Variants in WWOX observed in about 807,000 individuals in gnomAD.
WWOX encodes WW domain-containing oxidoreductase.
WWOX carries 69 observed loss-of-function variants against 46.2 expected under a neutral mutation model. The observed-to-expected ratio is 1.49, with a 90% CI of 1.23 to 1.82. The LOEUF is 1.82. WWOX is among the 40% of genes most tolerant of loss of function. WWOX has a pLI of 0.00. For missense variants in WWOX, 919 were observed against 542.6 expected, an observed-to-expected ratio of 1.69 and a Z score of -6.89; for synonymous variants, 359 against 202.6, an observed-to-expected ratio of 1.77 and a Z score of -6.56.
chr16:78,481,751 G>C (rs1275373071), intron 8 of WWOX, among the ~76,000 whole-genome samples: 1 of 150,738 alleles, frequency 6.6e-6, no homozygotes, highest in African/African-American at 2.5e-5. Context: ...GTGTGTGTGT[G>C]TGTGTGTGTG....
intron 6 of WWOX, among the ~76,000 whole-genome samples, chr16:78,417,938 A>C (rs1170557290): frequency 6.6e-6 from 1 of 152,236 alleles, no homozygotes; most frequent in Non-Finnish European, 1.5e-5. Context: ...CAACAGAATG[A>C]ATTATTCCTT....
chr16:79,159,300 G>A (rs1242445687), intron 8 of WWOX, among the ~76,000 whole-genome samples: 2 of 152,184 alleles, frequency 1.3e-5, no homozygotes, highest in African/African-American at 4.8e-5. Flanking sequence ...TTCCAACACA[G>A]CTAAATGAAA....
intron 8 of WWOX, among the ~76,000 whole-genome samples, chr16:78,619,517 C>A (rs1458598846): frequency 6.6e-6 from 1 of 151,736 alleles, no homozygotes; most frequent in East Asian, 1.9e-4. Flanking sequence ...CCTCCTATCC[C>A]CTTTCAGCTC....
chr16:78,182,264 C>A (rs755850112), intron 5 of WWOX, among the ~76,000 whole-genome samples: 4 of 152,124 alleles, frequency 2.6e-5, no homozygotes, highest in African/African-American at 4.8e-5. Flanking sequence ...CGAGTACTTG[C>A]GGTGGTACCT....
intron 5 of WWOX, among the ~76,000 whole-genome samples, chr16:78,361,829 C>T (rs1359087232): frequency 6.6e-6 from 1 of 152,030 alleles, no homozygotes; most frequent in Non-Finnish European, 1.5e-5. Context: ...CCAGGCTGGT[C>T]TCAAACTCCT....
At chr16:78,968,637 G>A (rs964206546) in intron 8 of WWOX, among the ~76,000 whole-genome samples, 12 of 152,182 alleles carry the variant, frequency 7.9e-5, no homozygotes, top group Non-Finnish European at 1.0e-4. Context: ...GTGACAAAAA[G>A]CACAAGCCCC....
At chr16:78,394,858 G>A (rs540574390) in intron 6 of WWOX, among the ~76,000 whole-genome samples, 5 of 152,348 alleles carry the variant, frequency 3.3e-5, no homozygotes, top group South Asian at 2.1e-4. Flanking sequence ...TGTAAAGAAC[G>A]TGGGTGTTGG....
intron 8 of WWOX, among the ~76,000 whole-genome samples, chr16:78,613,283 C>G (rs117674288): frequency 6.6e-6 from 1 of 152,126 alleles, no homozygotes; most frequent in Non-Finnish European, 1.5e-5. Context: ...ATCACTCTTT[C>G]AGAAACATGA....
At chr16:78,519,313 G>A (rs1018417716) in intron 8 of WWOX, among the ~76,000 whole-genome samples, 1 of 152,132 alleles carries the variant, frequency 6.6e-6, no homozygotes, top group African/African-American at 2.4e-5. Flanking sequence ...CCTGAAGGCA[G>A]TAAGCATGTT....
intron 8 of WWOX, among the ~76,000 whole-genome samples, chr16:78,612,132 T>A (rs986755058): frequency 1.3e-5 from 2 of 152,196 alleles, no homozygotes; most frequent in African/African-American, 4.8e-5. Context: ...ACCTACTCCT[T>A]TGGGCCAGAA....
chr16:78,494,494 C>G (rs1026948820), intron 8 of WWOX, among the ~76,000 whole-genome samples: 4 of 151,770 alleles, frequency 2.6e-5, no homozygotes, highest in East Asian at 3.9e-4. Flanking sequence ...AAGCATTAAG[C>G]AAACAAAAGG....
chr16:78,260,046 C>G (rs7206379), intron 5 of WWOX, among the ~76,000 whole-genome samples: 97,549 of 150,706 alleles, frequency 0.65, 33,403 homozygotes, highest in East Asian at 0.87. Flanking sequence ...TCCCAGCAGG[C>G]GTTGCCAGAG....
chr16:78,810,889 A>T (rs1275559442), intron 8 of WWOX, among the ~76,000 whole-genome samples: 2 of 152,228 alleles, frequency 1.3e-5, no homozygotes, highest in Non-Finnish European at 2.9e-5. Context: ...GCCAGAAGAG[A>T]CAGTAATGCT....
At chr16:78,929,710 G>A (rs1163296453) in intron 8 of WWOX, among the ~76,000 whole-genome samples, 1 of 152,168 alleles carries the variant, frequency 6.6e-6, no homozygotes, top group Non-Finnish European at 1.5e-5. Context: ...TTCAGGAAGA[G>A]CGTTTAGGAA....
Position 78,421,899 on chromosome 16 carries a change from T to G in WWOX, c.606-2971T>G, listed in dbSNP as rs1488769664. ...AACAGGATTACTTGGTGAAATAATG[T>G]GAATCTTTCAATTCTCATGATACAT... On this transcript the variant is annotated intron_variant, in intron 6 of 8. Coordinates refer to ENST00000566780, the MANE Select transcript of WWOX (RefSeq NM_016373.4). Among the ~76,000 whole-genome samples the G allele has an allele frequency of 2.0e-5, 3 of 152,238 alleles. No homozygotes were observed. In the East Asian group the frequency reaches 5.8e-4, roughly 29 times the overall value.
chr16:79,169,615 T>C (rs527254705), intron 8 of WWOX, among the ~76,000 whole-genome samples: 2 of 152,136 alleles, frequency 1.3e-5, no homozygotes, highest in Non-Finnish European at 2.9e-5. Context: ...TTCACACAAA[T>C]AGCTAAAGAC....
chr16:78,561,675 T>C (rs1377270884), intron 8 of WWOX, among the ~76,000 whole-genome samples: 1 of 151,994 alleles, frequency 6.6e-6, no homozygotes, highest in Admixed American at 6.6e-5. Context: ...AAGGGGGTAA[T>C]TGAAGAAGAT....
At chr16:78,730,277 C>T (rs1342593763) in intron 8 of WWOX, among the ~76,000 whole-genome samples, 1 of 152,016 alleles carries the variant, frequency 6.6e-6, no homozygotes, top group Non-Finnish European at 1.5e-5. Flanking sequence ...TTTACTGTCC[C>T]ATCCTTTTTT....
chr16:79,032,338 GTATGTAATATATAATATATTC>G (rs1182306703), intron 8 of WWOX, among the ~76,000 whole-genome samples: 22 of 145,028 alleles, frequency 1.5e-4, no homozygotes, highest in East Asian at 5.9e-4. Context: ...ATATTATAAT[GTATGTAATATATAATATATTC>G]TATGTAATAT....
Sources: allele counts gnomAD v4.1 joint callset (sites outside exome capture counted in the v4.1 genomes callset), GRCh38; gene constraint gnomAD v4.1.1; transcripts MANE v1.5; gene names NCBI Gene and HGNC (gene_info 2026-07-23, HGNC 2026-07-21).